GALNT17: variants seen among roughly 807,000 people sequenced by gnomAD.
The protein encoded by GALNT17 is UDP-GalNAc:polypeptide N-acetylgalactosaminyltransferase-like 3.
In GALNT17, 29 loss-of-function variants were observed where a neutral mutation model predicts 63.7. The observed-to-expected ratio is 0.46, with a 90% CI of 0.34 to 0.62. The LOEUF is 0.62. Ranked by LOEUF, GALNT17 falls within the 20% of genes least tolerant of loss-of-function variation. GALNT17 has a pLI of 0.01. For missense variants in GALNT17, 603 were observed against 799.6 expected, an observed-to-expected ratio of 0.75 and a Z score of 2.97; for synonymous variants, 305 against 318.3, an observed-to-expected ratio of 0.96 and a Z score of 0.45.
intron 1 of GALNT17, among the ~76,000 whole-genome samples, chr7:71,291,002 T>C (rs1790970025): frequency 6.6e-6 from 1 of 152,244 alleles, no homozygotes; most frequent in South Asian, 2.1e-4. Context: ...TAATACCTTC[T>C]TCATAGGACT....
intron 1 of GALNT17, among the ~76,000 whole-genome samples, chr7:71,188,163 C>T (rs752775232): frequency 1.2e-4 from 18 of 150,208 alleles, no homozygotes; most frequent in Non-Finnish European, 2.4e-4. Flanking sequence ...TGTGTTTTTG[C>T]AGTTGCGAAA....
At chr7:71,376,763 G>A (rs971150406) in intron 2 of GALNT17, among the ~76,000 whole-genome samples, 3 of 151,444 alleles carry the variant, frequency 2.0e-5, no homozygotes, top group Non-Finnish European at 4.4e-5. Context: ...ACCAGCCTGC[G>A]CAACTTAGCA....
chr7:71,642,842 A>T (rs1790622886), intron 6 of GALNT17, among the ~76,000 whole-genome samples: 1 of 152,066 alleles, frequency 6.6e-6, no homozygotes, highest in Non-Finnish European at 1.5e-5. Flanking sequence ...CTCAAAAAAA[A>T]AAATGAACCT....
At chr7:71,398,518 T>G (rs1201660234) in intron 3 of GALNT17, among the ~76,000 whole-genome samples, 1 of 152,224 alleles carries the variant, frequency 6.6e-6, no homozygotes, top group Non-Finnish European at 1.5e-5. Flanking sequence ...TAATATTTTT[T>G]GTTTTAACTT....
intron 5 of GALNT17, among the ~76,000 whole-genome samples, chr7:71,494,140 C>T (rs1326432680): frequency 6.6e-6 from 1 of 151,836 alleles, no homozygotes; most frequent in Non-Finnish European, 1.5e-5. Flanking sequence ...GGGAAGCAAA[C>T]TTGGGACTTC....
At chr7:71,529,602 G>T (rs1788681251) in intron 5 of GALNT17, among the ~76,000 whole-genome samples, 1 of 152,182 alleles carries the variant, frequency 6.6e-6, no homozygotes, top group Admixed American at 6.5e-5. Flanking sequence ...GCTTCCATTT[G>T]GTGGCAGTGA....
chr7:71,640,253 G>T (rs951930209), intron 6 of GALNT17, among the ~76,000 whole-genome samples: 5 of 152,078 alleles, frequency 3.3e-5, no homozygotes, highest in Non-Finnish European at 5.9e-5. Context: ...TCTTTGGTTC[G>T]ATTTTCCCTC....
intron 2 of GALNT17, among the ~76,000 whole-genome samples, chr7:71,380,104 C>T (rs1229528155): frequency 3.9e-5 from 6 of 151,954 alleles, no homozygotes; most frequent in African/African-American, 7.3e-5. Context: ...GGATCATCAG[C>T]GATGGTGAGG....
Position 71,571,334 on chromosome 7 carries a change from G to C in GALNT17, c.1012G>C (p.Gly338Arg). ...CSFVVNRKFF[G>R]EIGLLDPGMD... ...GTTCGTGGTCAACAGGAAGTTCTTC[G>C]GTGAAATTGGTCTTCTGGATCCTGG... The change falls in exon 6 of 11, where the codon GGT becomes CGT. Residue 338 changes from glycine (G) to arginine (R), a missense_variant. By Grantham distance (125) the Gly-to-Arg change is moderately radical (BLOSUM62 -2). This residue lies in a region of GALNT17 where 336 missense variants were observed against 507.8 expected (regional missense o/e 0.66). Coordinates refer to ENST00000333538, the MANE Select transcript of GALNT17 (RefSeq NM_022479.3). The C allele has an allele frequency of 1.2e-6, 2 of 1,614,072 alleles. 1 individual carries two copies. The highest frequency in any genetic ancestry group is 2.2e-5 in the South Asian group (2 of 91,076).
At chr7:71,701,859 A>AC (rs1791648656) in intron 9 of GALNT17, among the ~76,000 whole-genome samples, 1 of 22,316 alleles carries the variant, frequency 4.5e-5, no homozygotes, top group South Asian at 8.3e-4. Flanking sequence ...ATATATACAC[A>AC]TATATATATA....
intron 5 of GALNT17, among the ~76,000 whole-genome samples, chr7:71,464,651 G>A (rs1787506314): frequency 6.6e-6 from 1 of 152,100 alleles, no homozygotes; most frequent in African/African-American, 2.4e-5. Flanking sequence ...GAAAGGGCAC[G>A]GGTTTGAATG....
chr7:71,337,474 A>G lies in GALNT17; in HGVS notation c.422+1741A>G, dbSNP rs563757258. ...GTAATTCTACTCTTGTTAGAATTTT[A>G]CTAGACCCTTCCAATACTGGGTACT... On this transcript the variant is annotated intron_variant, in intron 2 of 10. Transcript: ENST00000333538. 9.2e-5 allele frequency among the ~76,000 whole-genome samples: 14 copies of G among 152,316 alleles called. No individual in the cohort carries two copies. In the South Asian group the frequency reaches 2.9e-3, roughly 32 times the overall value.
intron 2 of GALNT17, among the ~76,000 whole-genome samples, chr7:71,351,910 A>T (rs1563025373): frequency 1.3e-5 from 2 of 152,126 alleles, no homozygotes; most frequent in African/African-American, 4.8e-5. Context: ...TGATGTTTGG[A>T]GAATGGATTG....
chr7:71,209,242 C>T (rs1312236465), intron 1 of GALNT17, among the ~76,000 whole-genome samples: 1 of 152,162 alleles, frequency 6.6e-6, no homozygotes, highest in Admixed American at 6.5e-5. Context: ...AGGCAGTGGG[C>T]AAGATTTGGA....
intron 5 of GALNT17, among the ~76,000 whole-genome samples, chr7:71,476,003 T>TATC (rs966793690): frequency 3.9e-5 from 6 of 152,138 alleles, no homozygotes; most frequent in African/African-American, 1.4e-4. Flanking sequence ...TTATAATAAT[T>TATC]ATCATCATCA....
At chr7:71,624,051 C>T (rs1291765998) in intron 6 of GALNT17, among the ~76,000 whole-genome samples, 1 of 152,204 alleles carries the variant, frequency 6.6e-6, no homozygotes, top group Non-Finnish European at 1.5e-5. Context: ...GAGACACAGA[C>T]ACCCAGGGCT....
chr7:71,258,610 A>G (rs1249033459), intron 1 of GALNT17, among the ~76,000 whole-genome samples: 1 of 152,156 alleles, frequency 6.6e-6, no homozygotes, highest in Non-Finnish European at 1.5e-5. Context: ...TGGCAGGAAT[A>G]TATCACAGAA....
intron 6 of GALNT17, among the ~76,000 whole-genome samples, chr7:71,663,484 CT>C (rs1436987047): frequency 6.6e-6 from 1 of 152,148 alleles, no homozygotes; most frequent in Non-Finnish European, 1.5e-5. Flanking sequence ...AACATTTGGC[CT>C]CCTTGACTTC....
chr7:71,369,979 T>C (rs1792591928), intron 2 of GALNT17, among the ~76,000 whole-genome samples: 1 of 151,942 alleles, frequency 6.6e-6, no homozygotes, highest in African/African-American at 2.4e-5. Context: ...TGTCCTAGGG[T>C]GGAAGTGAGG....
Sources: gnomAD v4.1 joint callset for allele counts (sites outside exome capture counted in the v4.1 genomes callset) on GRCh38, gnomAD v4.1.1 for gene constraint, gnomAD v4.1.1 regional missense constraint, MANE v1.5 for transcripts, NCBI Gene and HGNC (gene_info 2026-07-23, HGNC 2026-07-21) for gene names.